RPS6KC1: variants seen among roughly 807,000 people sequenced by gnomAD.
The protein encoded by RPS6KC1 is inactive ribosomal protein S6 kinase delta-1.
In RPS6KC1, 54 loss-of-function variants were observed where a neutral mutation model predicts 103.8. The observed-to-expected ratio is 0.52, with a 90% CI of 0.42 to 0.65. The LOEUF (loss-of-function observed/expected upper bound fraction) is 0.65, where lower values mean the gene tolerates loss of function less well. Among genes scored for constraint, RPS6KC1 ranks in the 30% least tolerant of loss-of-function variants. The probability of loss-of-function intolerance (pLI) is 0.00; values close to 1 mark genes in which losing one functional copy is unlikely to be tolerated. For missense variants in RPS6KC1, 1,151 were observed against 1,253.8 expected (o/e 0.92, Z 1.24); for synonymous variants, 439 against 438.7 (o/e 1.00, Z -0.01).
chr1:213,381,364 C>G, the RPS6KC1 span, among the ~76,000 whole-genome samples: 1 of 152,016 alleles, frequency 6.6e-6, no homozygotes, highest in South Asian at 2.1e-4. Flanking sequence ...CCTCCTTAGC[C>G]GGGTGCTTAT....
the RPS6KC1 span, among the ~76,000 whole-genome samples, chr1:213,747,968 A>G: frequency 1.3e-5 from 2 of 152,192 alleles, no homozygotes; most frequent in African/African-American, 4.8e-5. Context: ...ATGCATCTTC[A>G]TTTCCTAGGT....
chr1:213,830,103 G>A, the RPS6KC1 span, among the ~76,000 whole-genome samples: 25 of 152,190 alleles, frequency 1.6e-4, no homozygotes, highest in Admixed American at 3.3e-4. Context: ...TGCAGGCCGT[G>A]AGGAAAACTG....
chr1:213,130,355 T>C (rs557815870), intron 6 of RPS6KC1, among the ~76,000 whole-genome samples: 8 of 152,304 alleles, frequency 5.3e-5, no homozygotes, highest in African/African-American at 1.4e-4. Context: ...ATTTAATTAA[T>C]GGAGGTGATG....
the RPS6KC1 span, among the ~76,000 whole-genome samples, chr1:213,722,013 C>T: frequency 9.3e-4 from 142 of 152,180 alleles, 1 homozygote; most frequent in African/African-American, 3.2e-3. Context: ...GTGCCCACTC[C>T]GTCTCTTCTG....
At chr1:213,740,704 A>ATC in the RPS6KC1 span, among the ~76,000 whole-genome samples, 17 of 82,568 alleles carry the variant, frequency 2.1e-4, no homozygotes, top group African/African-American at 7.8e-4. Flanking sequence ...ACATATATAC[A>ATC]TCTCAGATAT....
chr1:213,667,063 T>G, the RPS6KC1 span, among the ~76,000 whole-genome samples: 1 of 152,148 alleles, frequency 6.6e-6, no homozygotes, highest in African/African-American at 2.4e-5. Context: ...ACGAAACAGG[T>G]TTGTAAGTCA....
chr1:213,218,008 G>C (rs2093714827), intron 8 of RPS6KC1, among the ~76,000 whole-genome samples: 2 of 152,120 alleles, frequency 1.3e-5, no homozygotes, highest in African/African-American at 4.8e-5. Context: ...ACGTATTGTT[G>C]AATAGTTCTG....
At position 213,074,843 on chromosome 1, in the gene RPS6KC1, ATTTTTTTTTTTT is replaced by A. The variant is rs752747801; in HGVS notation, c.142-2834_142-2823del. ...TTTAAAAATGACTTAACTAGAATAA[ATTTTTTTTTTTT>A]TTTTTTTTTTTTTTTTTTACGGAGT... On this transcript the variant is annotated intron_variant, in intron 2 of 14. Transcript: ENST00000366960. 1.3e-3 allele frequency among the ~76,000 whole-genome samples: 91 copies of A among 71,322 alleles called. No individual in the cohort carries two copies. The East Asian group carries it at 0.024, about 19-fold the overall frequency. 46.8% of individuals were successfully genotyped at this position (71,322 alleles called of 152,430 possible).
the RPS6KC1 span, among the ~76,000 whole-genome samples, chr1:213,299,570 AAT>A: frequency 1.3e-5 from 2 of 151,080 alleles, no homozygotes; most frequent in Admixed American, 6.6e-5. Context: ...AAAAAAAAAA[AAT>A]ATGTCGTGAG....
chr1:213,295,693 G>A, the RPS6KC1 span, among the ~76,000 whole-genome samples: 1,366 of 152,242 alleles, frequency 9.0e-3, 27 homozygotes, highest in African/African-American at 0.031. Flanking sequence ...AAGTTAACAC[G>A]TCATTGACCT....
the RPS6KC1 span, among the ~76,000 whole-genome samples, chr1:213,355,971 T>G: frequency 2.6e-5 from 4 of 152,326 alleles, no homozygotes; most frequent in Non-Finnish European, 4.4e-5. Flanking sequence ...AAGGTTGTTA[T>G]GAGGATTAAA....
the RPS6KC1 span, among the ~76,000 whole-genome samples, chr1:213,478,801 TG>T: frequency 6.6e-6 from 1 of 152,104 alleles, no homozygotes; most frequent in Non-Finnish European, 1.5e-5. Flanking sequence ...GCAGCAGATT[TG>T]GTGTTTAAAG....
chr1:213,823,168 C>A, the RPS6KC1 span, among the ~76,000 whole-genome samples: 1 of 152,184 alleles, frequency 6.6e-6, no homozygotes, highest in African/African-American at 2.4e-5. Context: ...TTCGGTATCA[C>A]CTCCCCTGGA....
At chr1:213,819,787 C>T in the RPS6KC1 span, 1 of 152,128 alleles carries the variant, frequency 6.6e-6, no homozygotes, top group African/African-American at 2.4e-5. Flanking sequence ...GTGTGTTACC[C>T]AAGGGATAAA....
At chr1:213,659,750 G>T in the RPS6KC1 span, among the ~76,000 whole-genome samples, 2 of 151,600 alleles carry the variant, frequency 1.3e-5, no homozygotes. Flanking sequence ...TAGACCAGAG[G>T]TGCATATGTG....
chr1:213,420,325 A>G, the RPS6KC1 span, among the ~76,000 whole-genome samples: 1 of 152,188 alleles, frequency 6.6e-6, no homozygotes, highest in African/African-American at 2.4e-5. Context: ...CCCAAAAGGA[A>G]AAAGTAGGGT....
At chr1:213,799,556 C>T in the RPS6KC1 span, among the ~76,000 whole-genome samples, 1 of 152,196 alleles carries the variant, frequency 6.6e-6, no homozygotes, top group Non-Finnish European at 1.5e-5. Context: ...TAGGAAATTT[C>T]CCTGTCAAAC....
At chr1:213,218,201 A>G (rs1360623927) in intron 8 of RPS6KC1, among the ~76,000 whole-genome samples, 2 of 152,156 alleles carry the variant, frequency 1.3e-5, no homozygotes, top group African/African-American at 4.8e-5. Flanking sequence ...TCAATGTGCA[A>G]AAATCACAAG....
the RPS6KC1 span, among the ~76,000 whole-genome samples, chr1:213,665,948 C>T: frequency 3.4e-4 from 51 of 152,082 alleles, no homozygotes; most frequent in Non-Finnish European, 5.9e-5. Flanking sequence ...ACTGTAAACC[C>T]ATTATATAAA....
Sources: allele counts gnomAD v4.1 joint callset (sites outside exome capture counted in the v4.1 genomes callset), GRCh38; gene constraint gnomAD v4.1.1; transcripts MANE v1.5; gene names NCBI Gene and HGNC (gene_info 2026-07-23, HGNC 2026-07-21).